EXTL3: variants seen among roughly 807,000 people sequenced by gnomAD.
EXTL3 encodes exostosin like glycosyltransferase 3.
Under a neutral mutation model 69.3 loss-of-function variants are expected in EXTL3, and 27 were observed. That is an observed-to-expected ratio of 0.39 (90% CI 0.29 to 0.54). The LOEUF is 0.54. Among genes scored for constraint, EXTL3 ranks in the 20% least tolerant of loss-of-function variants. EXTL3 has a pLI of 0.69. For missense variants in EXTL3, 1,003 were observed against 1,231.8 expected (o/e 0.81, Z 2.78); for synonymous variants, 511 against 499.4 (o/e 1.02, Z -0.31).
At chr8:28,709,900 G>A (rs1156926291) in intron 1 of EXTL3, among the ~76,000 whole-genome samples, 1 of 152,108 alleles carries the variant, frequency 6.6e-6, no homozygotes, top group African/African-American at 2.4e-5. Flanking sequence ...TCTGAGCCCC[G>A]ACTTCTCAGC....
At chr8:28,660,838 C>CTTTTTTTTTTTTTTT (rs58151386) in intron 1 of EXTL3, among the ~76,000 whole-genome samples, 9 of 46,954 alleles carry the variant, frequency 1.9e-4, no homozygotes, top group African/African-American at 5.2e-4. Context: ...CGATTTTTGG[C>CTTTTTTTTTTTTTTT]TTTTTTTTTT....
In EXTL3 at chr8:28,616,854, C is replaced by T. The variant is rs150621255; in HGVS notation, n.314+9096C>T. Among the ~76,000 whole-genome samples the T allele has an allele frequency of 5.6e-3, 847 of 152,294 alleles. 6 individuals are homozygous for T. The highest frequency in any genetic ancestry group is 0.019 in the African/African-American group (803 of 41,572). Reference sequence around the variant, plus strand: ...TCATCTGCCTTGGAACGCATTGCCTCGGAACCAGCTGTGGACACTGAAGGG... The same window carrying T: ...TCATCTGCCTTGGAACGCATTGCCTTGGAACCAGCTGTGGACACTGAAGGG... On this transcript the variant is annotated intron_variant and non_coding_transcript_variant, in intron 2 of 4. Transcript: ENST00000522725.
At position 28,717,247 on chromosome 8, in the gene EXTL3, G is replaced by A. The variant is rs548761913; in HGVS notation, c.1188G>A (p.Val396=). 6.2e-7 allele frequency: 1 copy of A among 1,614,232 alleles called. No homozygotes were observed. Among genetic ancestry groups the A allele is most frequent in the African/African-American group, 1.3e-5 (1 of 75,068 alleles). ...ACAGCAAGCTGGATCAGGTCCTGGT[G>A]GAATTCACCTGCAAAAACCAGCCCA... The part of the protein sequence containing the change: ...VQDSKLDQVL[V]EFTCKNQPKP... The change falls in exon 3 of 7, where the codon GTG becomes GTA. Residue 396 remains valine (V), a synonymous_variant. Coordinates refer to ENST00000220562, the MANE Select transcript of EXTL3 (RefSeq NM_001440.4). This position sits in a 1 kb window ranked among gnomAD's most constrained non-coding sequence, Gnocchi z 8.3.
intron 1 of EXTL3, among the ~76,000 whole-genome samples, chr8:28,653,530 C>T (rs1282395618): frequency 3.9e-5 from 6 of 152,156 alleles, no homozygotes. Context: ...TTTTGATTCA[C>T]TGTTAGTTTT....
chr8:28,715,234 G>T (rs1367769717), intron 2 of EXTL3, among the ~76,000 whole-genome samples: 1 of 152,190 alleles, frequency 6.6e-6, no homozygotes, highest in Non-Finnish European at 1.5e-5. Flanking sequence ...TAAAGATGAT[G>T]CCCAGGTGTG....
At position 28,716,527 on chromosome 8, in the gene EXTL3, C is replaced by A. The variant is rs776674775; in HGVS notation, c.468C>A (p.Pro156=). 1 of 1,614,122 alleles carries A rather than the reference C, an allele frequency of 6.2e-7. No homozygotes were observed. ...MAQNQPKLSL[P]IRLLPEKDDA... is the part of the protein sequence containing the mutation. ...AGAACCAGCCCAAGCTGTCCCTGCC[C>A]ATCCGACTGCTCCCAGAGAAGGACG... The change falls in exon 3 of 7, where the codon CCC becomes CCA. Residue 156 remains proline, a synonymous_variant. Coordinates refer to ENST00000220562, the MANE Select transcript of EXTL3 (RefSeq NM_001440.4). This position sits in a 1 kb window ranked among gnomAD's most constrained non-coding sequence, Gnocchi z 7.1.
At chr8:28,620,806 T>C (rs1012063948), upstream of EXTL3, among the ~76,000 whole-genome samples, 7 of 152,152 alleles carry the variant, frequency 4.6e-5, no homozygotes, top group African/African-American at 1.7e-4. Flanking sequence ...AGCCCTGAAC[T>C]CCTAGGCTCA....
intron 1 of EXTL3, among the ~76,000 whole-genome samples, chr8:28,629,834 G>T (rs897250726): frequency 3.4e-4 from 51 of 152,220 alleles, no homozygotes; most frequent in African/African-American, 1.2e-3. Context: ...GGTTCCCAGT[G>T]ATACATGCAG....
intron 5 of EXTL3, chr8:28,742,801 G>T: frequency 2.6e-6 from 1 of 379,108 alleles, no homozygotes; most frequent in Non-Finnish European, 5.0e-6. Flanking sequence ...GACCTAGTTT[G>T]ACAAATCTTT....
intron 1 of EXTL3, among the ~76,000 whole-genome samples, chr8:28,674,202 C>T (rs957082458): frequency 6.6e-6 from 1 of 152,090 alleles, no homozygotes; most frequent in Non-Finnish European, 1.5e-5. Context: ...ACATCAGCTT[C>T]CTGAGTAGCT....
chr8:28,742,761 A>G (rs1277777208), intron 5 of EXTL3: 3 of 306,202 alleles, frequency 9.8e-6, no homozygotes, highest in Non-Finnish European at 1.3e-5. Flanking sequence ...ATTGTTAGAG[A>G]TAAAATAGTG....
At chr8:28,728,265 C>G (rs888237703) in intron 3 of EXTL3, among the ~76,000 whole-genome samples, 1 of 152,220 alleles carries the variant, frequency 6.6e-6, no homozygotes, top group Non-Finnish European at 1.5e-5. Context: ...CAAGTCCGGC[C>G]CCTTCTTGCC....
chr8:28,639,552 T>TCCTGCCTGCC (rs1224830528), intron 1 of EXTL3, among the ~76,000 whole-genome samples: 1 of 152,176 alleles, frequency 6.6e-6, no homozygotes, highest in Non-Finnish European at 1.5e-5. Flanking sequence ...CTGCTGCGGC[T>TCCTGCCTGCC]CCTGCCTGCC....
chr8:28,662,394 T>A (rs1807130625), intron 1 of EXTL3, among the ~76,000 whole-genome samples: 4 of 152,226 alleles, frequency 2.6e-5, no homozygotes, highest in Admixed American at 2.6e-4. Context: ...TCATTTCTTC[T>A]GATGAAGTTG....
intron 1 of EXTL3, among the ~76,000 whole-genome samples, chr8:28,641,569 C>T (rs34068815): frequency 0.21 from 32,010 of 152,038 alleles, 3,999 homozygotes; most frequent in Non-Finnish European, 0.28. Context: ...CTCCGCCTCC[C>T]GAGCTAAAGC....
intron 3 of EXTL3, among the ~76,000 whole-genome samples, chr8:28,726,112 C>T (rs555674611): frequency 1.3e-5 from 2 of 152,164 alleles, no homozygotes; most frequent in Admixed American, 6.5e-5. Context: ...CACACCACCA[C>T]GCCCGGCTAA....
At chr8:28,631,638 C>CT (rs2130563240) in intron 1 of EXTL3, 1 of 152,278 alleles carries the variant, frequency 6.6e-6, no homozygotes, top group African/African-American at 2.4e-5. Context: ...GATTAGCAAC[C>CT]ATCCAGGGAA....
chr8:28,670,003 G>GT (rs767459180), intron 1 of EXTL3, among the ~76,000 whole-genome samples: 3 of 152,068 alleles, frequency 2.0e-5, no homozygotes, highest in Non-Finnish European at 4.4e-5. Flanking sequence ...GAGCCCAGGA[G>GT]TTTGAGAGCA....
chr8:28,668,324 CTTTTTT>C (rs71549687), intron 1 of EXTL3, among the ~76,000 whole-genome samples: 3 of 82,552 alleles, frequency 3.6e-5, no homozygotes, highest in Non-Finnish European at 6.4e-5. Context: ...AGAGTTGTTA[CTTTTTT>C]TTTTTTTTTT....
Sources: gnomAD v4.1 joint callset for allele counts (sites outside exome capture counted in the v4.1 genomes callset) on GRCh38, gnomAD v4.1.1 for gene constraint, Gnocchi (gnomAD v3.1) non-coding constraint, MANE v1.5 for transcripts, NCBI Gene and HGNC (gene_info 2026-07-23, HGNC 2026-07-21) for gene names.